Variants in ZYG11A observed in about 807,000 individuals in gnomAD.
ZYG11A encodes the protein protein zyg-11 homolog A.
Under a neutral mutation model 77.2 loss-of-function variants are expected in ZYG11A, and 62 were observed. That is an observed-to-expected ratio of 0.80 (90% confidence interval 0.65 to 0.99). The LOEUF (loss-of-function observed/expected upper bound fraction) is 0.99. Ranked by LOEUF, ZYG11A falls within the 50% of genes least tolerant of loss-of-function variation. The pLI is 0.00. For synonymous variants in ZYG11A, 315 were observed against 324.6 expected, an observed-to-expected ratio of 0.97 and a Z score of 0.32; for missense variants, 828 against 896.8, an observed-to-expected ratio of 0.92 and a Z score of 0.98.
chr1:52,870,624 C>T (rs142872834), intron 8 of ZYG11A, among the ~76,000 whole-genome samples: 55 of 152,298 alleles, frequency 3.6e-4, no homozygotes, highest in Middle Eastern at 3.4e-3. Context: ...CTTGGGAGGC[C>T]GAGGCTGGCG....
At chr1:52,855,686 A>T (rs912086005) in intron 2 of ZYG11A, among the ~76,000 whole-genome samples, 4 of 152,186 alleles carry the variant, frequency 2.6e-5, no homozygotes, top group African/African-American at 7.2e-5. Context: ...TGTGTGCCGA[A>T]CTTTTTTCAT....
rs566991299 is a variant in ZYG11A, at chr1:52,887,462, A to G, written c.2104+409A>G. ...CTTTTCACTCAACAGTTTATTGCTG[A>G]CACTCTTCCTTTAGTAAAACATGGA... On this transcript the variant is annotated intron_variant, in intron 13 of 13. Coordinates refer to ENST00000371528, the MANE Select transcript of ZYG11A (RefSeq NM_001004339.3). 7.2e-5 allele frequency among the ~76,000 whole-genome samples: 11 copies of G among 152,244 alleles called. No individual in the cohort carries two copies. The Middle Eastern group carries it at 0.014, about 188-fold the overall frequency.
Position 52,892,984 on chromosome 1 carries a change from T to G in ZYG11A, c.*27T>G, listed in dbSNP as rs1172536401. The G allele has an allele frequency of 4.5e-6, 7 of 1,540,900 alleles. No individual in the cohort carries two copies. In the African/African-American group the frequency reaches 9.6e-5, roughly 21 times the overall value. On this transcript the variant is annotated 3_prime_UTR_variant, in exon 14 of 14. Coordinates refer to ENST00000371528, the MANE Select transcript of ZYG11A (RefSeq NM_001004339.3). ...CCTAAGGAATTTCAGAGGTGTGTGC[T>G]CTTCCTCAATGTCAGGTGTTCTGCC...
chr1:52,843,975 C>T (rs207460123), intron 1 of ZYG11A, among the ~76,000 whole-genome samples: 1 of 152,096 alleles, frequency 6.6e-6, no homozygotes, highest in African/African-American at 2.4e-5. Flanking sequence ...CGTCAGCCAC[C>T]GTGCCCGGCC....
intron 1 of ZYG11A, among the ~76,000 whole-genome samples, chr1:52,851,493 G>C (rs1371830133): frequency 1.3e-5 from 2 of 152,060 alleles, no homozygotes; most frequent in Non-Finnish European, 2.9e-5. Flanking sequence ...TGGCTCCCGG[G>C]TACAAGCGTT....
intron 8 of ZYG11A, among the ~76,000 whole-genome samples, chr1:52,869,355 A>T (rs1373255962): frequency 2.0e-5 from 3 of 151,086 alleles, no homozygotes; most frequent in Non-Finnish European, 4.4e-5. Flanking sequence ...ACAAGTGAAC[A>T]AAGGTCTCTG....
In ZYG11A at chr1:52,843,024, T is replaced by G. The variant is rs942433360; in HGVS notation, c.90+51T>G. On this transcript the variant is annotated intron_variant, in intron 1 of 13. Transcript: ENST00000371528. ...CGCGGACCTCGGCGCCACGTCCAGC[T>G]CCGGCGAGCGCGGCGAGTCTCCTGG... 3.0e-5 allele frequency: 43 copies of G among 1,451,700 alleles called. No individual in the cohort carries two copies. In the African/African-American group the frequency reaches 6.3e-4, roughly 21 times the overall value. The allele number at this position is 1,451,700 out of a possible 1,614,324, so 89.9% of individuals were successfully genotyped here.
intron 3 of ZYG11A, 75 bp from the exon 4 acceptor site, chr1:52,860,656 A>G (rs1645910309): frequency 1.3e-6 from 2 of 1,501,670 alleles, no homozygotes; most frequent in Non-Finnish European, 1.8e-6. Flanking sequence ...GGATGCCCCA[A>G]AAACCCTGTG....
At chr1:52,857,909 G>A (rs897393037) in intron 3 of ZYG11A, among the ~76,000 whole-genome samples, 160 bp downstream of exon 3, 1 of 151,988 alleles carries the variant, frequency 6.6e-6, no homozygotes, top group Non-Finnish European at 1.5e-5. Flanking sequence ...TACCTACTAT[G>A]TGGAAGGTTG....
In ZYG11A at chr1:52,860,234, G is replaced by A. The variant is rs74600175; in HGVS notation, c.1009-497G>A. Among the ~76,000 whole-genome samples, 199 of 152,156 alleles carry A rather than the reference G, an allele frequency of 1.3e-3. 1 individual carries two copies. The highest frequency in any genetic ancestry group is 4.4e-3 in the African/African-American group (184 of 41,530). ...GTCTCATGTTGTTTTAAAAAATAGA[G>A]GCGAGGTCTCACTATGTTGTCCAGG... On this transcript the variant is annotated intron_variant, in intron 3 of 13. Transcript: ENST00000371528.
At chr1:52,881,966 C>T (rs1407769773) in intron 11 of ZYG11A, among the ~76,000 whole-genome samples, 1 of 151,642 alleles carries the variant, frequency 6.6e-6, no homozygotes, top group African/African-American at 2.4e-5. Context: ...CAATTCACAG[C>T]ACACTGCAGC....
chr1:52,856,671 G>A (rs1163234544), intron 2 of ZYG11A, among the ~76,000 whole-genome samples: 1 of 151,678 alleles, frequency 6.6e-6, no homozygotes, highest in African/African-American at 2.4e-5. Context: ...TGTGAGCAAG[G>A]TTACTGTAGA....
At chr1:52,869,769 C>T (rs1158542887) in intron 8 of ZYG11A, among the ~76,000 whole-genome samples, 1 of 151,908 alleles carries the variant, frequency 6.6e-6, no homozygotes, top group Non-Finnish European at 1.5e-5. Context: ...GTACACCTCC[C>T]AGACGGGGTG....
At chr1:52,845,980 AAATAT>A (rs1645568863) in intron 1 of ZYG11A, among the ~76,000 whole-genome samples, 1 of 152,022 alleles carries the variant, frequency 6.6e-6, no homozygotes, top group Non-Finnish European at 1.5e-5. Flanking sequence ...TAATTAGAAT[AAATAT>A]AATTATCAGT....
chr1:52,855,571 G>A (rs549606388), intron 2 of ZYG11A, among the ~76,000 whole-genome samples: 11 of 152,166 alleles, frequency 7.2e-5, no homozygotes, highest in Admixed American at 2.0e-4. Context: ...CCCTTTTCCC[G>A]CATCCCTCCA....
At chr1:52,878,845 A>G (rs991036512) in intron 10 of ZYG11A, among the ~76,000 whole-genome samples, 1 of 149,594 alleles carries the variant, frequency 6.7e-6, no homozygotes, top group Admixed American at 6.7e-5. Context: ...AGGCTGAGGC[A>G]GGAGAATTGC....
chr1:52,846,316 A>T (rs964842948), intron 1 of ZYG11A, among the ~76,000 whole-genome samples: 245 of 3,194 alleles, frequency 0.077, 11 homozygotes, highest in African/African-American at 0.2. Flanking sequence ...ATTTTTATAT[A>T]TATATATATA....
intron 2 of ZYG11A, among the ~76,000 whole-genome samples, chr1:52,854,873 G>GTT (rs561963113): frequency 9.2e-4 from 136 of 147,826 alleles, no homozygotes; most frequent in South Asian, 4.2e-3. Flanking sequence ...CTCTAGCTTT[G>GTT]TTTTTTTTTT....
At chr1:52,877,432 C>T (rs1309214961) in intron 8 of ZYG11A, among the ~76,000 whole-genome samples, 1 of 152,146 alleles carries the variant, frequency 6.6e-6, no homozygotes, top group Non-Finnish European at 1.5e-5. Context: ...TAATAATGTA[C>T]TTGATGACCA....
Sources: allele counts gnomAD v4.1 joint callset (sites outside exome capture counted in the v4.1 genomes callset), GRCh38; gene constraint gnomAD v4.1.1; transcripts MANE v1.5; gene names NCBI Gene and HGNC (gene_info 2026-07-23, HGNC 2026-07-21).